The following SNTG1 variants were observed in gnomAD, a reference collection of about 807,000 sequenced individuals.
The protein encoded by SNTG1 is gamma-1-syntrophin.
Under a neutral mutation model 74.7 loss-of-function variants are expected in SNTG1, and 39 were observed. The observed-to-expected ratio is 0.52, with a 90% confidence interval of 0.40 to 0.68. SNTG1 has a LOEUF of 0.68. SNTG1 is among the 30% of genes least tolerant of loss of function. SNTG1 has a pLI of 0.00. For synonymous variants in SNTG1, 254 were observed against 217.1 expected (o/e 1.17, Z -1.49); for missense variants, 685 against 609.5 (o/e 1.12, Z -1.30).
At chr8:50,734,502 T>A (rs1171921562) in intron 17 of SNTG1, among the ~76,000 whole-genome samples, 1 of 151,250 alleles carries the variant, frequency 6.6e-6, no homozygotes, top group Non-Finnish European at 1.5e-5. Context: ...ATATCTATGA[T>A]TTTAATGTTT....
chr8:49,972,093 T>C (rs1039065423), intron 1 of SNTG1, among the ~76,000 whole-genome samples: 2 of 152,178 alleles, frequency 1.3e-5, no homozygotes, highest in Non-Finnish European at 2.9e-5. Context: ...GCTGGAGGCA[T>C]CATGCTACCT....
At chr8:50,372,793 T>TG (rs2092297473) in intron 2 of SNTG1, among the ~76,000 whole-genome samples, 1 of 152,150 alleles carries the variant, frequency 6.6e-6, no homozygotes, top group South Asian at 2.1e-4. Context: ...TGTTTGTCTC[T>TG]GTGGAGTCAG....
intron 11 of SNTG1, among the ~76,000 whole-genome samples, chr8:50,543,233 C>A (rs538293658): frequency 3.3e-5 from 5 of 152,240 alleles, no homozygotes; most frequent in East Asian, 1.9e-4. Flanking sequence ...AGTGTTTAAT[C>A]CATTTTGATT....
At chr8:50,596,408 G>A (rs1239776983) in intron 13 of SNTG1, among the ~76,000 whole-genome samples, 2 of 151,726 alleles carry the variant, frequency 1.3e-5, no homozygotes, top group African/African-American at 4.8e-5. Context: ...TTTTATCCTA[G>A]GTTTTTTACA....
chr8:50,133,019 A>G (rs1405726250), intron 1 of SNTG1, among the ~76,000 whole-genome samples: 1 of 152,190 alleles, frequency 6.6e-6, no homozygotes, highest in African/African-American at 2.4e-5. Flanking sequence ...TTTCCATATC[A>G]ACAAGTACTG....
At chr8:50,632,744 G>A (rs1442008743) in intron 13 of SNTG1, among the ~76,000 whole-genome samples, 1 of 152,224 alleles carries the variant, frequency 6.6e-6, no homozygotes, top group African/African-American at 2.4e-5. Flanking sequence ...TAAGATGCAT[G>A]CCTTTCCCAA....
chr8:50,079,512 T>A (rs543333238), intron 1 of SNTG1, among the ~76,000 whole-genome samples: 1 of 152,196 alleles, frequency 6.6e-6, no homozygotes, highest in East Asian at 1.9e-4. Flanking sequence ...CTTCTGTAGG[T>A]TGCCTGTTCA....
chr8:50,480,732 C>T (rs1428078702), intron 8 of SNTG1, among the ~76,000 whole-genome samples: 1 of 152,020 alleles, frequency 6.6e-6, no homozygotes, highest in Non-Finnish European at 1.5e-5. Flanking sequence ...TTTGGATGAT[C>T]AGATATAAAC....
intron 8 of SNTG1, among the ~76,000 whole-genome samples, chr8:50,495,463 C>CTT (rs66691982): frequency 2.3e-5 from 3 of 130,050 alleles, no homozygotes; most frequent in African/African-American, 5.5e-5. Context: ...ATGTCAAATT[C>CTT]TTTTTTTTTT....
At chr8:50,491,440 T>C (rs1056155596) in intron 8 of SNTG1, 1 of 152,288 alleles carries the variant, frequency 6.6e-6, no homozygotes, top group Non-Finnish European at 1.5e-5. Context: ...GTTCCAATGT[T>C]CAAGCAGTGA....
intron 15 of SNTG1, among the ~76,000 whole-genome samples, chr8:50,691,904 G>A (rs1049819750): frequency 6.6e-6 from 1 of 152,046 alleles, no homozygotes; most frequent in Non-Finnish European, 1.5e-5. Flanking sequence ...TGTAGATTTG[G>A]TCTTTTCACA....
chr8:50,633,278 TC>T (rs1279551644), intron 13 of SNTG1, among the ~76,000 whole-genome samples: 7 of 152,308 alleles, frequency 4.6e-5, no homozygotes, highest in Middle Eastern at 3.4e-3. Context: ...GCCATCTTGC[TC>T]CCCAGTCTTG....
In SNTG1 at chr8:49,983,665, C is replaced by A. The variant is rs183121799; in HGVS notation, c.-103+71434C>A. On this transcript the variant is annotated intron_variant, in intron 1 of 18. Transcript: ENST00000642720. ...TACCAGCTGAAGGCCAACATGGGTC[C>A]TTGTCAGTCACAGCAACCAACAGAG... Among the ~76,000 whole-genome samples, 328 of 152,296 alleles carry A rather than the reference C, an allele frequency of 2.2e-3. 3 individuals are homozygous for A. The highest frequency in any genetic ancestry group is 9.9e-3 in the South Asian group (48 of 4,826).
chr8:50,265,659 T>C (rs13252320), intron 2 of SNTG1, among the ~76,000 whole-genome samples: 85,680 of 151,912 alleles, frequency 0.56, 27,912 homozygotes, highest in East Asian at 0.83. Flanking sequence ...GGCATCCATA[T>C]TGGAAATAAG....
chr8:50,348,402 T>A (rs2091547015), intron 2 of SNTG1, among the ~76,000 whole-genome samples: 1 of 152,122 alleles, frequency 6.6e-6, no homozygotes, highest in Non-Finnish European at 1.5e-5. Context: ...CTTTCTGGAG[T>A]TGGAGGGAAA....
intron 2 of SNTG1, among the ~76,000 whole-genome samples, chr8:50,379,278 G>A (rs1375890256): frequency 6.6e-6 from 1 of 152,300 alleles, no homozygotes; most frequent in East Asian, 1.9e-4. Flanking sequence ...CTCACAGCAG[G>A]GAGTAGCCAG....
At chr8:50,622,548 T>G (rs375230476) in intron 13 of SNTG1, among the ~76,000 whole-genome samples, 3 of 152,154 alleles carry the variant, frequency 2.0e-5, no homozygotes, top group East Asian at 3.9e-4. Flanking sequence ...GGGTAAACTA[T>G]AAGTTCTCTT....
chr8:49,923,973 C>G (rs1806793553), intron 1 of SNTG1, among the ~76,000 whole-genome samples: 1 of 152,028 alleles, frequency 6.6e-6, no homozygotes, highest in Non-Finnish European at 1.5e-5. Flanking sequence ...CATCATTAGA[C>G]CTATATCTTG....
chr8:49,929,266 G>A (rs1348175441), intron 1 of SNTG1, among the ~76,000 whole-genome samples: 4 of 152,138 alleles, frequency 2.6e-5, no homozygotes, highest in African/African-American at 9.7e-5. Flanking sequence ...AAAGCAGGGG[G>A]CATGGGATTC....
Sources: allele counts gnomAD v4.1 joint callset (sites outside exome capture counted in the v4.1 genomes callset), GRCh38; gene constraint gnomAD v4.1.1; transcripts MANE v1.5; gene names NCBI Gene and HGNC (gene_info 2026-07-23, HGNC 2026-07-21).